The following RBFOX1 variants were observed in gnomAD, a reference collection of about 807,000 sequenced individuals.
RBFOX1 encodes RNA binding protein fox-1 homolog 1.
In RBFOX1, 8 loss-of-function variants were observed where a neutral mutation model predicts 57.7. The ratio of observed to expected loss-of-function variants is 0.14; its 90% CI spans 0.08 to 0.25. RBFOX1 has a LOEUF of 0.25. Ranked by LOEUF, RBFOX1 falls within the 10% of genes least tolerant of loss-of-function variation. The probability of loss-of-function intolerance (pLI) is 1.00; values close to 1 mark genes in which losing one functional copy is unlikely to be tolerated. For synonymous variants in RBFOX1, 326 were observed against 222.4 expected, an observed-to-expected ratio of 1.47 and a Z score of -4.15; for missense variants, 611 against 548.5, an observed-to-expected ratio of 1.11 and a Z score of -1.14.
intron 3 of RBFOX1, among the ~76,000 whole-genome samples, chr16:5,627,031 C>T (rs781697328): frequency 3.3e-5 from 5 of 152,100 alleles, no homozygotes; most frequent in Non-Finnish European, 5.9e-5. Context: ...TTGTTAATTA[C>T]TTTTATGTGA....
At chr16:6,062,353 G>A (rs560932887) in intron 1 of RBFOX1, among the ~76,000 whole-genome samples, 1 of 152,058 alleles carries the variant, frequency 6.6e-6, no homozygotes, top group African/African-American at 2.4e-5. Flanking sequence ...CTAACTAGAA[G>A]GTAGGTCCCC....
At chr16:6,732,688 A>G (rs1048898846) in intron 3 of RBFOX1, among the ~76,000 whole-genome samples, 2 of 152,220 alleles carry the variant, frequency 1.3e-5, no homozygotes, top group African/African-American at 2.4e-5. Context: ...TAGTATGTTG[A>G]CGTCCTCTGT....
chr16:5,765,913 G>T (rs765336924), intron 3 of RBFOX1, among the ~76,000 whole-genome samples: 3 of 152,190 alleles, frequency 2.0e-5, no homozygotes, highest in African/African-American at 4.8e-5. Context: ...GGTATCTGCA[G>T]TCTCTGGTGT....
chr16:6,758,212 A>C (rs1429220309), intron 3 of RBFOX1, among the ~76,000 whole-genome samples: 1 of 152,040 alleles, frequency 6.6e-6, no homozygotes, highest in Non-Finnish European at 1.5e-5. Context: ...ATAACTTGGC[A>C]TTGTTGAGAT....
At chr16:7,303,336 A>G (rs2096077742) in intron 4 of RBFOX1, among the ~76,000 whole-genome samples, 1 of 151,966 alleles carries the variant, frequency 6.6e-6, no homozygotes, top group Admixed American at 6.5e-5. Flanking sequence ...CCAGCCCCTA[A>G]CGTCTCAGCA....
At chr16:6,161,017 G>C (rs899481156) in intron 1 of RBFOX1, among the ~76,000 whole-genome samples, 2 of 152,208 alleles carry the variant, frequency 1.3e-5, no homozygotes, top group Non-Finnish European at 2.9e-5. Flanking sequence ...CATGAGCACA[G>C]TGGTGTTTCC....
At position 6,661,651 on chromosome 16, in the gene RBFOX1, C is replaced by G. The variant is rs367691840; in HGVS notation, c.-16+7001C>G. ...TGGAGCCCAGAGAAAGACCCAGAGA[C>G]TGGCCCTGGGTGAATGCAGGAAGCT... On this transcript the variant is annotated intron_variant, in intron 3 of 15. Coordinates refer to ENST00000550418, the MANE Select transcript of RBFOX1 (RefSeq NM_018723.4). Among the ~76,000 whole-genome samples the G allele has an allele frequency of 7.2e-5, 11 of 152,308 alleles. No homozygotes were observed. The Middle Eastern group carries it at 0.01, about 141-fold the overall frequency.
chr16:7,407,370 A>T (rs1486678792), intron 4 of RBFOX1, among the ~76,000 whole-genome samples: 2 of 88,050 alleles, frequency 2.3e-5, no homozygotes, highest in Non-Finnish European at 5.0e-5. Flanking sequence ...AGGGATTTGT[A>T]TGGGTGTGTG....
chr16:6,675,944 A>G (rs755487077), intron 3 of RBFOX1, among the ~76,000 whole-genome samples: 13 of 152,092 alleles, frequency 8.5e-5, no homozygotes, highest in Non-Finnish European at 1.3e-4. Flanking sequence ...GACCCTTGTG[A>G]ATCTCTGGAA....
chr16:7,254,035 C>G (rs573563427), intron 4 of RBFOX1, among the ~76,000 whole-genome samples: 1 of 152,166 alleles, frequency 6.6e-6, no homozygotes, highest in African/African-American at 2.4e-5. Flanking sequence ...ATCCTCCTAA[C>G]ATGTTTTTGA....
chr16:6,418,524 T>A (rs1226904288), intron 2 of RBFOX1, among the ~76,000 whole-genome samples: 4 of 116,604 alleles, frequency 3.4e-5, no homozygotes, highest in South Asian at 2.8e-4. Context: ...GCCTTATTTT[T>A]TTTTTTTTTT....
chr16:6,904,995 C>G (rs1033431153), intron 3 of RBFOX1, among the ~76,000 whole-genome samples: 1 of 152,108 alleles, frequency 6.6e-6, no homozygotes, highest in Non-Finnish European at 1.5e-5. Flanking sequence ...GTCAGAGGTG[C>G]TGTGCTTGTT....
At chr16:5,679,341 T>G (rs1360405151) in intron 3 of RBFOX1, among the ~76,000 whole-genome samples, 2 of 152,150 alleles carry the variant, frequency 1.3e-5, no homozygotes, top group Non-Finnish European at 2.9e-5. Flanking sequence ...TCTCTTTTTT[T>G]TTTTTAAAAA....
At chr16:7,019,177 A>G (rs934997698) in intron 3 of RBFOX1, among the ~76,000 whole-genome samples, 8 of 152,084 alleles carry the variant, frequency 5.3e-5, no homozygotes, top group African/African-American at 1.7e-4. Context: ...AAAATTTTTT[A>G]GGACACTAAA....
intron 1 of RBFOX1, among the ~76,000 whole-genome samples, chr16:5,367,998 G>A (rs1274921755): frequency 2.0e-5 from 3 of 152,162 alleles, no homozygotes; most frequent in Non-Finnish European, 2.9e-5. Context: ...GTTCCACGGG[G>A]GTTCTTCTTA....
intron 4 of RBFOX1, among the ~76,000 whole-genome samples, chr16:7,355,200 G>T (rs562612032): frequency 6.6e-6 from 1 of 152,150 alleles, no homozygotes; most frequent in Non-Finnish European, 1.5e-5. Flanking sequence ...ATCCCCATCA[G>T]TTGGCTTTGT....
intron 3 of RBFOX1, among the ~76,000 whole-genome samples, chr16:7,000,978 A>G (rs1354247917): frequency 6.6e-6 from 1 of 152,030 alleles, no homozygotes; most frequent in Non-Finnish European, 1.5e-5. Flanking sequence ...CTTTTTGGAA[A>G]TTTTTATCAG....
At chr16:5,529,598 C>A (rs1045322396) in intron 2 of RBFOX1, among the ~76,000 whole-genome samples, 2 of 146,172 alleles carry the variant, frequency 1.4e-5, no homozygotes, top group African/African-American at 5.1e-5. Flanking sequence ...TGGAGTTTTG[C>A]TCTTGTTGCT....
intron 1 of RBFOX1, among the ~76,000 whole-genome samples, chr16:6,186,328 G>A (rs1481530398): frequency 6.6e-6 from 1 of 152,176 alleles, no homozygotes; most frequent in Non-Finnish European, 1.5e-5. Context: ...AATTTGGAGT[G>A]AGTTTGAAGA....
Sources: allele counts gnomAD v4.1 joint callset (sites outside exome capture counted in the v4.1 genomes callset), GRCh38; gene constraint gnomAD v4.1.1; transcripts MANE v1.5; gene names NCBI Gene and HGNC (gene_info 2026-07-23, HGNC 2026-07-21).